BDP1: variants seen among roughly 807,000 people sequenced by gnomAD.
BDP1 encodes the protein transcription factor TFIIIB component B'' homolog.
A neutral mutation model predicts 266.6 loss-of-function variants in BDP1; 169 were observed. That is an observed-to-expected ratio of 0.63 (90% confidence interval 0.56 to 0.72). The LOEUF (loss-of-function observed/expected upper bound fraction) is 0.72. Among genes scored for constraint, BDP1 ranks in the 30% least tolerant of loss-of-function variants. The pLI is 0.00. For synonymous variants in BDP1, 1,090 were observed against 1,022.4 expected (o/e 1.07, Z -1.26); for missense variants, 3,015 against 3,053.8 (o/e 0.99, Z 0.30).
intron 7 of BDP1, among the ~76,000 whole-genome samples, chr5:71,480,277 A>ATTTTTTTTTTTTTTTTTTTTTTTTT (rs552593030): frequency 9.5e-6 from 1 of 105,008 alleles, no homozygotes. Context: ...TGCCCAGCTA[A>ATTTTTTTTTTTTTTTTTTTTTTTTT]TTTTTTTTTT....
chr5:71,479,812 C>T (rs1209367102), intron 7 of BDP1, among the ~76,000 whole-genome samples: 1 of 152,220 alleles, frequency 6.6e-6, no homozygotes, highest in African/African-American at 2.4e-5. Context: ...TCCCAAAGTA[C>T]TGGGATTACA....
In BDP1 at chr5:71,495,225, C is replaced by T. The variant is rs555755550; in HGVS notation, c.1641-25C>T. On this transcript the variant is annotated intron_variant, in intron 11 of 38. Coordinates refer to ENST00000358731, the MANE Select transcript of BDP1 (RefSeq NM_018429.3). The stretch of plus-strand genomic sequence containing the variant: ...TATATATCATTAGGAATTCTTTTCT[C>T]TCTGAAATATTTTCTTTTTTTTAGT... 88 of 1,441,520 alleles carry T rather than the reference C, an allele frequency of 6.1e-5. 1 individual carries two copies. The highest frequency in any genetic ancestry group is 7.8e-5 in the Non-Finnish European group (83 of 1,070,266). The allele number at this position is 1,441,520 out of a possible 1,614,324, so 89.3% of individuals were successfully genotyped here.
intron 26 of BDP1, among the ~76,000 whole-genome samples, chr5:71,537,435 C>T (rs1000361109): frequency 5.3e-5 from 8 of 152,082 alleles, no homozygotes; most frequent in African/African-American, 1.7e-4. Context: ...AAAAATGTTT[C>T]TAGAGTTACT....
At chr5:71,560,390 C>T (rs1310390129) in intron 37 of BDP1, among the ~76,000 whole-genome samples, 153 bp downstream of exon 37, 1 of 152,172 alleles carries the variant, frequency 6.6e-6, no homozygotes, top group East Asian at 1.9e-4. Flanking sequence ...CAAGGAAATA[C>T]AGTAATATTG....
rs1765205991 is a variant in BDP1, at chr5:71,516,123, A to G, written c.4712A>G (p.Gln1571Arg). Residue 1571 changes from glutamine to arginine, a missense_variant, in exon 21 of 39, where the codon CAA becomes CGA. Gln to Arg is a conservative substitution (Grantham distance 43). This residue lies in a region of BDP1 where 2,383 missense variants were observed against 2,404.9 expected (regional missense o/e 0.99). Transcript: ENST00000358731. Reference sequence around the variant, plus strand: ...GAAAGTGTTATCCAAACTGCTCGACAAGTAAGGGGCCGACTTCAGAGACCG... The same window carrying G: ...GAAAGTGTTATCCAAACTGCTCGACGAGTAAGGGGCCGACTTCAGAGACCG... ...MKESVIQTAR[Q>R]VRGRLQRPRP... 6 of 1,612,612 alleles carry G rather than the reference A, an allele frequency of 3.7e-6. No individual in the cohort carries two copies. The highest frequency in any genetic ancestry group is 3.3e-5 in the South Asian group (3 of 90,824).
intron 12 of BDP1, among the ~76,000 whole-genome samples, chr5:71,496,900 TCTTA>T (rs1763932748): frequency 6.6e-6 from 1 of 152,320 alleles, no homozygotes; most frequent in Middle Eastern, 3.4e-3. Flanking sequence ...CATCATTTAA[TCTTA>T]CTTAATATTT....
intron 12 of BDP1, 61 bp from the exon 13 acceptor site, chr5:71,497,209 T>C (rs1763948457): frequency 6.8e-7 from 1 of 1,468,022 alleles, no homozygotes; most frequent in East Asian, 2.3e-5. Flanking sequence ...TAGGTTATTT[T>C]AGAAGTTCAT....
intron 37 of BDP1, among the ~76,000 whole-genome samples, chr5:71,562,009 C>G (rs1364705768): frequency 6.6e-6 from 1 of 151,830 alleles, no homozygotes; most frequent in Non-Finnish European, 1.5e-5. Context: ...CTTTGGGAGG[C>G]TGAGGCAGGC....
At chr5:71,522,692 C>T in intron 23 of BDP1, 64 bp from the exon 24 acceptor site, 1 of 1,476,682 alleles carries the variant, frequency 6.8e-7, no homozygotes, top group Non-Finnish European at 9.1e-7. Flanking sequence ...GCCAAACTAC[C>T]AAACCAAATT....
At position 71,470,435 on chromosome 5, in the gene BDP1, T is replaced by C; in HGVS notation, c.960T>C (p.Thr320=). 1 of 1,612,836 alleles carries C rather than the reference T, an allele frequency of 6.2e-7. No homozygotes were observed. Among genetic ancestry groups the C allele is most frequent in the African/African-American group, 1.3e-5 (1 of 75,016 alleles). ...MFFLAISMVG[T]DFSMIGQLFP... is the part of the protein sequence containing the mutation. ...TTTTAGCCATCAGCATGGTAGGAAC[T>C]GACTTTTCTATGATCGGACAACTTT... The change falls in exon 7 of 39, where the codon ACT becomes ACC. Residue 320 remains threonine (T), a synonymous_variant. Coordinates refer to ENST00000358731, the MANE Select transcript of BDP1 (RefSeq NM_018429.3).
intron 7 of BDP1, among the ~76,000 whole-genome samples, chr5:71,480,277 A>ATTTT (rs552593030): frequency 1.4e-4 from 15 of 105,012 alleles, no homozygotes; most frequent in South Asian, 3.2e-4. Context: ...TGCCCAGCTA[A>ATTTT]TTTTTTTTTT....
At chr5:71,493,948 A>G (rs1284383467) in intron 11 of BDP1, among the ~76,000 whole-genome samples, 1 of 152,258 alleles carries the variant, frequency 6.6e-6, no homozygotes, top group Non-Finnish European at 1.5e-5. Flanking sequence ...TGAAGACTAC[A>G]TGTATAAAAC....
chr5:71,483,809 G>A lies in BDP1; in HGVS notation c.1015-33G>A, dbSNP rs533967135. On this transcript the variant is annotated intron_variant, in intron 7 of 38. Transcript: ENST00000358731. ...AAAAAAAAATGCTTGTTTTATGAGA[G>A]AAAATTACCATAGGGTTTTTTGTTG... 2.6e-6 allele frequency: 4 copies of A among 1,553,602 alleles called. No homozygotes were observed. The African/African-American group carries it at 4.1e-5, about 16-fold the overall frequency.
chr5:71,566,303 AAC>A lies in BDP1; in HGVS notation c.*1421_*1422del, dbSNP rs1213732984. 1 of 152,612 alleles carries A rather than the reference AAC, an allele frequency of 6.6e-6. No homozygotes were observed. The highest frequency in any genetic ancestry group is 1.5e-5 in the Non-Finnish European group (1 of 68,070). 9.5% of individuals were successfully genotyped at this position (152,612 alleles called of 1,614,324 possible). On this transcript the variant is annotated 3_prime_UTR_variant, in exon 39 of 39. Coordinates refer to ENST00000358731, the MANE Select transcript of BDP1 (RefSeq NM_018429.3). ...GTTTTTTCCCATTAAATTCTCAAGGAACACTTGGATCTTTAAGCACGGAACAT... is the reference window on the plus strand; with the variant it reads ...GTTTTTTCCCATTAAATTCTCAAGGAACTTGGATCTTTAAGCACGGAACAT...
chr5:71,542,621 C>T (rs1767041122), intron 30 of BDP1, among the ~76,000 whole-genome samples: 1 of 151,962 alleles, frequency 6.6e-6, no homozygotes, highest in Admixed American at 6.6e-5. Flanking sequence ...CCTGTAATTC[C>T]AGCACTTTGG....
In BDP1 at chr5:71,495,420, A is replaced by G. The variant is rs1404792509; in HGVS notation, c.1799+12A>G. Reference sequence around the variant, plus strand: ...AAAAATAATTCACTGTAAGTATTTTATACGATAGGATTTATTTATAAAATT... The same window carrying G: ...AAAAATAATTCACTGTAAGTATTTTGTACGATAGGATTTATTTATAAAATT... On this transcript the variant is annotated intron_variant, in intron 12 of 38. Transcript: ENST00000358731. 6 of 1,517,222 alleles carry G rather than the reference A, an allele frequency of 4.0e-6. No individual in the cohort carries two copies. The highest frequency in any genetic ancestry group is 1.7e-4 in the Middle Eastern group (1 of 5,758). The allele number at this position is 1,517,222 out of a possible 1,614,324, so 94.0% of individuals were successfully genotyped here.
chr5:71,462,302 G>A (rs1761627309), intron 3 of BDP1, among the ~76,000 whole-genome samples: 1 of 152,082 alleles, frequency 6.6e-6, no homozygotes, highest in African/African-American at 2.4e-5. Context: ...TATATAAATA[G>A]CACTTTTATA....
chr5:71,544,916 C>T, intron 31 of BDP1, 123 bp from the exon 32 acceptor site: 1 of 552,188 alleles, frequency 1.8e-6, no homozygotes, highest in Admixed American at 3.3e-5. Flanking sequence ...AGTCCTATTG[C>T]ATTAAATATG....
At chr5:71,496,430 A>G (rs977818446) in intron 12 of BDP1, among the ~76,000 whole-genome samples, 5 of 123,134 alleles carry the variant, frequency 4.1e-5, no homozygotes, top group Non-Finnish European at 8.5e-5. Flanking sequence ...ACATTTAAAC[A>G]TTTATGAATT....
Sources: allele counts gnomAD v4.1 joint callset (sites outside exome capture counted in the v4.1 genomes callset), GRCh38; gene constraint gnomAD v4.1.1; regional missense constraint gnomAD v4.1.1; transcripts MANE v1.5; gene names NCBI Gene and HGNC (gene_info 2026-07-23, HGNC 2026-07-21).